The following LRRC8E variants were observed in gnomAD, a reference collection of about 807,000 sequenced individuals.
The protein encoded by LRRC8E is volume-regulated anion channel subunit LRRC8E.
A neutral mutation model predicts 6.1 loss-of-function variants in LRRC8E; 6 were observed. The ratio of observed to expected loss-of-function variants is 0.98; its 90% CI spans 0.54 to 1.93. The LOEUF is 1.93. Among genes scored for constraint, LRRC8E ranks in the 30% most tolerant of loss-of-function variants. The probability of loss-of-function intolerance (pLI) is 0.01; values close to 1 mark genes in which losing one functional copy is unlikely to be tolerated. For missense variants in LRRC8E, 1,028 were observed against 1,031.4 expected (o/e 1.00, Z 0.04); for synonymous variants, 485 against 472.8 (o/e 1.03, Z -0.33).
At chr19:7,891,547 T>TGTGTGTTTG (rs1568262044) in intron 1 of LRRC8E, among the ~76,000 whole-genome samples, 61 of 91,684 alleles carry the variant, frequency 6.7e-4, no homozygotes, top group South Asian at 5.6e-3. Context: ...GTGTGTGTGT[T>TGTGTGTTTG]TGTGTGTGTG....
intron 1 of LRRC8E, among the ~76,000 whole-genome samples, chr19:7,894,197 A>G (rs541371826): frequency 1.3e-5 from 2 of 151,754 alleles, no homozygotes; most frequent in South Asian, 4.2e-4. Context: ...TCTTGGCCCA[A>G]CTCCTGTCCC....
At chr19:7,890,321 C>T (rs574485398) in intron 1 of LRRC8E, among the ~76,000 whole-genome samples, 102 of 146,524 alleles carry the variant, frequency 7.0e-4, no homozygotes, top group Non-Finnish European at 9.0e-4. Flanking sequence ...GGCTGGAAAG[C>T]CTTCCAGCCT....
chr19:7,891,253 C>T (rs1793122670), intron 1 of LRRC8E, among the ~76,000 whole-genome samples: 1 of 152,166 alleles, frequency 6.6e-6, no homozygotes. Context: ...TTTATTTTCC[C>T]TGGCTCTGCC....
chr19:7,898,703 CAGG>C lies in LRRC8E; in HGVS notation c.184_186del (p.Glu62del). On this transcript the variant is annotated inframe_deletion, in exon 3 of 3. Coordinates refer to ENST00000306708, the MANE Select transcript of LRRC8E (RefSeq NM_025061.6). ...CATCTGTCTACCCAATCATGAGCTC[CAGG>C]AGAACTTATCAGAGGCCCCGTGCCA... is the stretch of plus-strand genomic sequence containing the variant. 6.2e-7 allele frequency: 1 copy of C among 1,613,360 alleles called. No individual in the cohort carries two copies. The highest frequency in any genetic ancestry group is 1.1e-5 in the South Asian group (1 of 91,046).
intron 1 of LRRC8E, among the ~76,000 whole-genome samples, chr19:7,894,046 G>A (rs897881073): frequency 1.3e-5 from 2 of 152,098 alleles, no homozygotes; most frequent in African/African-American, 4.8e-5. Context: ...ATATGGGGGG[G>A]ACACAAACTG....
chr19:7,895,894 C>T lies in LRRC8E; in HGVS notation c.138+153C>T, dbSNP rs1175003783. On this transcript the variant is annotated intron_variant, in intron 2 of 2. Coordinates refer to ENST00000306708, the MANE Select transcript of LRRC8E (RefSeq NM_025061.6). The surrounding 1 kb of genome is among the most constrained non-coding windows in gnomAD (Gnocchi z 4.7). The stretch of plus-strand genomic sequence containing the variant: ...CCAGACCCCTTATCTTCCTTACCTC[C>T]ATAGCCAGGAGCACCGGAGTCCCCA... Among the ~76,000 whole-genome samples the T allele has an allele frequency of 1.3e-5, 2 of 152,226 alleles. No homozygotes were observed. The highest frequency in any genetic ancestry group is 2.9e-5 in the Non-Finnish European group (2 of 68,036).
chr19:7,898,414 C>T (rs1568265580), intron 2 of LRRC8E, among the ~76,000 whole-genome samples: 1 of 151,996 alleles, frequency 6.6e-6, no homozygotes, highest in Non-Finnish European at 1.5e-5. Flanking sequence ...GGCTGGAGTA[C>T]AATGGCGCGA....
rs61731431 is a variant in LRRC8E, at chr19:7,900,325, G to A, written c.1803G>A (p.Val601=). 15,449 of 1,613,296 alleles carry A rather than the reference G, an allele frequency of 9.6e-3. 118 individuals are homozygous for A. Among genetic ancestry groups the A allele is most frequent in the Admixed American group, 0.012 (715 of 60,014 alleles). ...GGCTGGAGCGCATCCCCCATGCAGT[G>A]TTCAGCCTGGGTGCGCTGCAGGAAC... ...ACGLERIPHA[V]FSLGALQELD... Residue 601 remains valine (V), a synonymous_variant, in exon 3 of 3, where the codon GTG becomes GTA. Coordinates refer to ENST00000306708, the MANE Select transcript of LRRC8E (RefSeq NM_025061.6). This position sits in a 1 kb window ranked among gnomAD's most constrained non-coding sequence, Gnocchi z 5.0.
Position 7,900,291 on chromosome 19 carries a change from T to C in LRRC8E, c.1769T>C (p.Val590Ala), listed in dbSNP as rs1338436164. ...GCGGCATTGCGGGAGCTGGAGCTGG[T>C]GGCCTGCGGGCTGGAGCGCATCCCC... ...KLAALRELEL[V>A]ACGLERIPHA... is the part of the protein sequence containing the mutation. The change falls in exon 3 of 3, where the codon GTG becomes GCG. Residue 590 changes from valine to alanine, a missense_variant. By Grantham distance (64) the Val-to-Ala change is moderately conservative. Coordinates refer to ENST00000306708, the MANE Select transcript of LRRC8E (RefSeq NM_025061.6). This position sits in a 1 kb window ranked among gnomAD's most constrained non-coding sequence, Gnocchi z 5.0. 2.5e-6 allele frequency: 4 copies of C among 1,613,262 alleles called. No homozygotes were observed. The African/African-American group carries it at 5.3e-5, about 22-fold the overall frequency.
rs1981520657 is a variant in LRRC8E at position 7,895,307 on chromosome 19, G to A, written c.-5-292G>A. 2 of 325,804 alleles carry A rather than the reference G, an allele frequency of 6.1e-6. No individual in the cohort carries two copies. The highest frequency in any genetic ancestry group is 1.2e-5 in the Non-Finnish European group (2 of 171,860). 20.2% of individuals were successfully genotyped at this position (325,804 alleles called of 1,614,324 possible). ...CACCCGAGGAGGCTGGAGGGCGGCG[G>A]CCCTGTGGACTATCCCTCATGTGCT... is the stretch of plus-strand genomic sequence containing the variant. On this transcript the variant is annotated intron_variant, in intron 1 of 2. Coordinates refer to ENST00000306708, the MANE Select transcript of LRRC8E (RefSeq NM_025061.6). The surrounding 1 kb of genome is among the most constrained non-coding windows in gnomAD (Gnocchi z 4.7).
intron 1 of LRRC8E, among the ~76,000 whole-genome samples, chr19:7,892,150 G>A (rs1340610673): frequency 6.6e-6 from 1 of 150,848 alleles, no homozygotes; most frequent in Non-Finnish European, 1.5e-5. Flanking sequence ...TTGGCTCACT[G>A]CAGGCTCTGC....
At position 7,895,870 on chromosome 19, in the gene LRRC8E, C is replaced by T; in HGVS notation, c.138+129C>T. The T allele has an allele frequency of 1.7e-6, 2 of 1,160,020 alleles. No homozygotes were observed. The highest frequency in any genetic ancestry group is 2.4e-6 in the Non-Finnish European group (2 of 823,890). The allele number at this position is 1,160,020 out of a possible 1,614,324, so 71.9% of individuals were successfully genotyped here. A position where few individuals can be genotyped will look rare whatever the true frequency, so the allele number is the denominator to read the frequency against. On this transcript the variant is annotated intron_variant, in intron 2 of 2. Transcript: ENST00000306708. This position sits in a 1 kb window ranked among gnomAD's most constrained non-coding sequence, Gnocchi z 4.7. ...ACAGAGCCCCACTCAAAGGCCAATC[C>T]AGACCCCTTATCTTCCTTACCTCCA...
intron 2 of LRRC8E, among the ~76,000 whole-genome samples, chr19:7,898,115 CAGG>C (rs1568265378): frequency 6.7e-6 from 1 of 149,406 alleles, no homozygotes; most frequent in South Asian, 2.1e-4. Context: ...CAGGCTGAGG[CAGG>C]AGAATTGCTT....
At position 7,895,804 on chromosome 19, in the gene LRRC8E, G is replaced by A. The variant is rs557388308; in HGVS notation, c.138+63G>A. 2.0e-5 allele frequency: 32 copies of A among 1,582,714 alleles called. No homozygotes were observed. The highest frequency in any genetic ancestry group is 4.0e-5 in the African/African-American group (3 of 74,458). On this transcript the variant is annotated intron_variant, in intron 2 of 2. Transcript: ENST00000306708. This position sits in a 1 kb window ranked among gnomAD's most constrained non-coding sequence, Gnocchi z 4.7. ...GGCGGGGCAGGTGTCTGGGGAAGTC[G>A]GGAAGCCTTCTCATCACCCAAGAAA...
Position 7,895,889 on chromosome 19 carries a change from A to C in LRRC8E, c.138+148A>C. On this transcript the variant is annotated intron_variant, in intron 2 of 2. Transcript: ENST00000306708. This position sits in a 1 kb window ranked among gnomAD's most constrained non-coding sequence, Gnocchi z 4.7. ...CCAATCCAGACCCCTTATCTTCCTT[A>C]CCTCCATAGCCAGGAGCACCGGAGT... 1 of 945,868 alleles carries C rather than the reference A, an allele frequency of 1.1e-6. No homozygotes were observed. The highest frequency in any genetic ancestry group is 1.6e-6 in the Non-Finnish European group (1 of 644,180). The allele number at this position is 945,868 out of a possible 1,614,324, so 58.6% of individuals were successfully genotyped here.
Position 7,900,075 on chromosome 19 carries a change from T to C in LRRC8E, c.1553T>C (p.Phe518Ser). The change falls in exon 3 of 3, where the codon TTC (phenylalanine) becomes TCC (serine). Residue 518 changes from phenylalanine (F) to serine (S), a missense_variant. Phe to Ser is a radical substitution (Grantham distance 155). Coordinates refer to ENST00000306708, the MANE Select transcript of LRRC8E (RefSeq NM_025061.6). This position sits in a 1 kb window ranked among gnomAD's most constrained non-coding sequence, Gnocchi z 5.0. ...GLEELHLEGL[F>S]PQELARAATL... ...GAGGAGCTGCACCTGGAGGGGCTTT[T>C]CCCCCAGGAGCTAGCTCGGGCAGCC... 6.2e-7 allele frequency: 1 copy of C among 1,611,996 alleles called. No homozygotes were observed. The highest frequency in any genetic ancestry group is 1.3e-5 in the African/African-American group (1 of 75,038).
In LRRC8E at chr19:7,901,013, A is replaced by C; in HGVS notation, c.*100A>C. On this transcript the variant is annotated 3_prime_UTR_variant, in exon 3 of 3. Coordinates refer to ENST00000306708, the MANE Select transcript of LRRC8E (RefSeq NM_025061.6). ...ATAGGAAGCCAAGTGGGTCCAGGCC[A>C]GGAGATGGGGGGGGCGGGGGCAGCT... 2.6e-5 allele frequency: 10 copies of C among 378,104 alleles called. No homozygotes were observed. Among genetic ancestry groups the C allele is most frequent in the Non-Finnish European group, 4.1e-5 (9 of 220,894 alleles). The allele number at this position is 378,104 out of a possible 1,614,324, so 23.4% of individuals were successfully genotyped here. A position where few individuals can be genotyped will look rare whatever the true frequency, so the allele number is the denominator to read the frequency against.
chr19:7,899,697 GTC>G lies in LRRC8E; in HGVS notation c.1177_1178del (p.Leu393LysfsTer42). 1 of 1,613,504 alleles carries G rather than the reference GTC, an allele frequency of 6.2e-7. No homozygotes were observed. Among genetic ancestry groups the G allele is most frequent in the Non-Finnish European group, 8.5e-7 (1 of 1,180,030 alleles). ...TTCCTGTCCGAGGTCAGCGAAAGCC[GTC>G]TAAAGCAGCTCAATCTCAACCACGA... On this transcript the variant is annotated frameshift_variant, in exon 3 of 3. Transcript: ENST00000306708. LOFTEE classifies it low-confidence loss of function (END_TRUNC).
rs1753778879 is a variant in LRRC8E, at chr19:7,900,903, A to T, written c.2381A>T (p.Glu794Val). 1 of 1,518,422 alleles carries T rather than the reference A, an allele frequency of 6.6e-7. No individual in the cohort carries two copies. The highest frequency in any genetic ancestry group is 8.8e-7 in the Non-Finnish European group (1 of 1,135,476). 94.1% of individuals were successfully genotyped at this position (1,518,422 alleles called of 1,614,324 possible). A position where few individuals can be genotyped will look rare whatever the true frequency, so the allele number is the denominator to read the frequency against. The change falls in exon 3 of 3, where the codon GAG (glutamate) becomes GTG (valine). Residue 794 changes from glutamate to valine, a missense_variant. Coordinates refer to ENST00000306708, the MANE Select transcript of LRRC8E (RefSeq NM_025061.6). The surrounding 1 kb of genome is among the most constrained non-coding windows in gnomAD (Gnocchi z 5.0). ...CCGGCAGAAGTGCGGGACAAGATGG[A>T]GGAGGAATGAAGCTGGGGTGGGGCC... The part of the protein sequence containing the change: ...GLPAEVRDKM[E>V]EE
Sources: allele counts gnomAD v4.1 joint callset (sites outside exome capture counted in the v4.1 genomes callset), GRCh38; gene constraint gnomAD v4.1.1; non-coding constraint Gnocchi (gnomAD v3.1); transcripts MANE v1.5; gene names NCBI Gene and HGNC (gene_info 2026-07-23, HGNC 2026-07-21).